The following CAMK1D variants were observed in gnomAD, a reference collection of about 807,000 sequenced individuals.
CAMK1D encodes the protein calcium/calmodulin dependent protein kinase ID.
A neutral mutation model predicts 47.7 loss-of-function variants in CAMK1D; 9 were observed. That is an observed-to-expected ratio of 0.19 (90% CI 0.11 to 0.33). The LOEUF (loss-of-function observed/expected upper bound fraction) is 0.33. Among genes scored for constraint, CAMK1D ranks in the 10% least tolerant of loss-of-function variants. The probability of loss-of-function intolerance (pLI) is 1.00; values close to 1 mark genes in which losing one functional copy is unlikely to be tolerated. For missense variants in CAMK1D, 291 were observed against 488.7 expected, an observed-to-expected ratio of 0.60 and a Z score of 3.81; for synonymous variants, 184 against 184.9, an observed-to-expected ratio of 0.99 and a Z score of 0.04.
At chr10:12,570,129 G>A (rs900417258) in intron 2 of CAMK1D, among the ~76,000 whole-genome samples, 1 of 152,026 alleles carries the variant, frequency 6.6e-6, no homozygotes, top group Non-Finnish European at 1.5e-5. Flanking sequence ...GAACCCAGGA[G>A]GTGGAGGTTG....
chr10:12,558,089 T>G (rs1185423689), intron 2 of CAMK1D, among the ~76,000 whole-genome samples: 2 of 152,242 alleles, frequency 1.3e-5, no homozygotes, highest in African/African-American at 2.4e-5. Flanking sequence ...CGGCTGGATC[T>G]AGAAAATTCA....
chr10:12,475,281 C>G (rs1387050177), intron 1 of CAMK1D, among the ~76,000 whole-genome samples: 1 of 152,212 alleles, frequency 6.6e-6, no homozygotes, highest in African/African-American at 2.4e-5. Flanking sequence ...ACAAGCCCCC[C>G]ATTCCTCCTC....
At chr10:12,711,946 C>T (rs570335118) in intron 3 of CAMK1D, among the ~76,000 whole-genome samples, 4 of 152,282 alleles carry the variant, frequency 2.6e-5, no homozygotes, top group East Asian at 1.9e-4. Flanking sequence ...TTTTCTCAGA[C>T]GTAATTTCAG....
At chr10:12,781,131 G>A (rs757900575) in intron 5 of CAMK1D, among the ~76,000 whole-genome samples, 16 of 152,222 alleles carry the variant, frequency 1.1e-4, no homozygotes, top group Non-Finnish European at 2.4e-4. Flanking sequence ...GATGTGGGAG[G>A]GAGGTCACGT....
intron 3 of CAMK1D, among the ~76,000 whole-genome samples, chr10:12,712,248 G>A (rs377534715): frequency 3.0e-4 from 45 of 152,290 alleles, no homozygotes; most frequent in African/African-American, 9.6e-4. Context: ...TTTTGGAAGC[G>A]TCACACTGCT....
chr10:12,786,634 C>T (rs1228548519), intron 5 of CAMK1D, among the ~76,000 whole-genome samples: 1 of 152,240 alleles, frequency 6.6e-6, no homozygotes, highest in African/African-American at 2.4e-5. Context: ...TCATAGCTCA[C>T]TGCAGCTTCC....
intron 1 of CAMK1D, among the ~76,000 whole-genome samples, chr10:12,432,301 C>T (rs1465484517): frequency 6.6e-6 from 1 of 152,224 alleles, no homozygotes; most frequent in Non-Finnish European, 1.5e-5. Flanking sequence ...ATCACCCTTA[C>T]CTTCGTTTGC....
chr10:12,717,125 T>C (rs1389357915), intron 3 of CAMK1D, among the ~76,000 whole-genome samples: 1 of 152,240 alleles, frequency 6.6e-6, no homozygotes. Context: ...ACATAATATC[T>C]TTTTAAAAAG....
chr10:12,378,319 T>G (rs1838241635), intron 1 of CAMK1D, among the ~76,000 whole-genome samples: 1 of 152,174 alleles, frequency 6.6e-6, no homozygotes, highest in Non-Finnish European at 1.5e-5. Flanking sequence ...CAATCATAGC[T>G]CACTGCAGCC....
At chr10:12,778,531 A>G (rs1837364189) in intron 5 of CAMK1D, among the ~76,000 whole-genome samples, 1 of 152,212 alleles carries the variant, frequency 6.6e-6, no homozygotes, top group African/African-American at 2.4e-5. Context: ...ATTGTGGTAG[A>G]TGGGCCACAC....
chr10:12,366,100 C>T (rs1223386697), intron 1 of CAMK1D, among the ~76,000 whole-genome samples: 1 of 152,188 alleles, frequency 6.6e-6, no homozygotes, highest in Non-Finnish European at 1.5e-5. Context: ...TCACATTCAC[C>T]TCTTGAAACA....
intron 1 of CAMK1D, among the ~76,000 whole-genome samples, chr10:12,401,050 A>G (rs1323680027): frequency 1.9e-5 from 2 of 103,884 alleles, no homozygotes; most frequent in Admixed American, 3.2e-4. Context: ...TGTATTATAT[A>G]TATTATATAT....
chr10:12,480,912 A>G (rs1338595154), intron 1 of CAMK1D, among the ~76,000 whole-genome samples: 2 of 152,206 alleles, frequency 1.3e-5, no homozygotes, highest in Non-Finnish European at 2.9e-5. Context: ...AGTGAAAGAG[A>G]TCGGATCTAA....
chr10:12,691,527 G>A (rs936050567), intron 3 of CAMK1D, among the ~76,000 whole-genome samples: 20 of 147,420 alleles, frequency 1.4e-4, no homozygotes, highest in Admixed American at 1.2e-3. Context: ...CTGCCTCCGG[G>A]ATTCAAGGAA....
At chr10:12,475,809 C>T (rs1833884897) in intron 1 of CAMK1D, among the ~76,000 whole-genome samples, 1 of 152,048 alleles carries the variant, frequency 6.6e-6, no homozygotes, top group Admixed American at 6.6e-5. Flanking sequence ...ACTGGTTCTC[C>T]TCGCACTTGT....
rs1371059771 is a variant in CAMK1D, at chr10:12,833,647, A to G, written c.*4760A>G. ...CTTCGCAGAATTTAACAAGCACACG[A>G]CTGGGATTCCTTTGGATATGAGAAA... On this transcript the variant is annotated 3_prime_UTR_variant, in exon 11 of 11. Coordinates refer to ENST00000619168, the MANE Select transcript of CAMK1D (RefSeq NM_153498.4). 1 of 152,212 alleles carries G rather than the reference A, an allele frequency of 6.6e-6. No homozygotes were observed. Among genetic ancestry groups the G allele is most frequent in the Non-Finnish European group, 1.5e-5 (1 of 68,040 alleles). The allele number at this position is 152,212 out of a possible 1,614,324, so 9.4% of individuals were successfully genotyped here. A position where few individuals can be genotyped will look rare whatever the true frequency, so the allele number is the denominator to read the frequency against.
chr10:12,351,668 A>G (rs911802583), intron 1 of CAMK1D, among the ~76,000 whole-genome samples: 1 of 152,066 alleles, frequency 6.6e-6, no homozygotes, highest in Admixed American at 6.6e-5. Context: ...CTGAGGCTCC[A>G]AGCTGTGGCT....
chr10:12,778,774 G>C (rs1159839149), intron 5 of CAMK1D, among the ~76,000 whole-genome samples: 1 of 152,176 alleles, frequency 6.6e-6, no homozygotes, highest in African/African-American at 2.4e-5. Context: ...TCAGGAGGCT[G>C]ACGCAGGAGG....
chr10:12,549,263 C>G (rs191320214), intron 1 of CAMK1D, among the ~76,000 whole-genome samples: 1 of 152,354 alleles, frequency 6.6e-6, no homozygotes, highest in Admixed American at 6.5e-5. Context: ...CTTTCTTTCT[C>G]TATGAATTTG....
Sources: gnomAD v4.1 joint callset for allele counts (sites outside exome capture counted in the v4.1 genomes callset) on GRCh38, gnomAD v4.1.1 for gene constraint, MANE v1.5 for transcripts, NCBI Gene and HGNC (gene_info 2026-07-23, HGNC 2026-07-21) for gene names.